The following HEMGN variants were observed in gnomAD, a reference collection of about 807,000 sequenced individuals.
HEMGN encodes hemogen, also known as erythroid differentiation-associated gene protein.
In HEMGN, 32 loss-of-function variants were observed where a neutral mutation model predicts 45.7. The observed-to-expected ratio is 0.70, with a 90% CI of 0.53 to 0.94. HEMGN has a LOEUF of 0.94. HEMGN is among the 40% of genes least tolerant of loss of function. HEMGN has a pLI of 0.00. For missense variants in HEMGN, 530 were observed against 564.2 expected (o/e 0.94, Z 0.61); for synonymous variants, 183 against 178.6 (o/e 1.02, Z -0.20).
At chr9:97,941,484 A>G (rs1827152426), upstream of HEMGN, among the ~76,000 whole-genome samples, 1 of 152,162 alleles carries the variant, frequency 6.6e-6, no homozygotes, top group Non-Finnish European at 1.5e-5. Context: ...AGAGGAAGCA[A>G]GAAGAACAAT....
Position 97,936,282 on chromosome 9 carries a change from T to C in HEMGN, c.80-18A>G, listed in dbSNP as rs200915997. 117 of 1,540,816 alleles carry C rather than the reference T, an allele frequency of 7.6e-5. No individual in the cohort carries two copies. In the African/African-American group the frequency reaches 1.3e-3, roughly 17 times the overall value. On this transcript the variant is annotated intron_variant, in intron 1 of 3. Transcript: ENST00000616898. ...AATGACTTCTGTAATAAAATGAAAG[T>C]GATTAGAAAAAGTGATGAACTGTGG... is the stretch of plus-strand genomic sequence containing the variant.
intron 3 of HEMGN, among the ~76,000 whole-genome samples, chr9:97,929,151 G>A (rs1184274290): frequency 6.6e-6 from 1 of 152,216 alleles, no homozygotes; most frequent in African/African-American, 2.4e-5. Context: ...TAGGAATCAG[G>A]ACGCTGTGTT....
intron 2 of HEMGN, among the ~76,000 whole-genome samples, chr9:97,934,670 C>T (rs1827024993): frequency 6.6e-6 from 1 of 152,148 alleles, no homozygotes; most frequent in Non-Finnish European, 1.5e-5. Flanking sequence ...AAAAACCTCA[C>T]TTTCTGCAAA....
At chr9:97,937,969 T>C (rs1305220320) in intron 1 of HEMGN, 89 bp downstream of exon 1, 2 of 625,558 alleles carry the variant, frequency 3.2e-6, no homozygotes, top group Non-Finnish European at 5.3e-6. Flanking sequence ...CCTTTTTTTT[T>C]TTTTTTGGCC....
In HEMGN at chr9:97,938,068, G is replaced by A. The variant is rs1368257959; in HGVS notation, c.69C>T (p.Asn23=). The A allele has an allele frequency of 1.2e-6, 2 of 1,606,664 alleles. No homozygotes were observed. ...GGTATTTTTCATTACCTGGAGAATG[G>A]TTCTCTTCTTGATGAGGGTCAGGTG... The part of the protein sequence containing the change: ...HQTPDPHQEE[N]HSPEVIGTWS... The change falls in exon 1 of 4, where the codon AAC becomes AAT. Residue 23 remains asparagine (N), a synonymous_variant. Coordinates refer to ENST00000616898, the MANE Select transcript of HEMGN (RefSeq NM_197978.3).
At chr9:97,929,846 A>AT (rs1329747809) in intron 3 of HEMGN, among the ~76,000 whole-genome samples, 189 bp downstream of exon 3, 1 of 152,196 alleles carries the variant, frequency 6.6e-6, no homozygotes, top group African/African-American at 2.4e-5. Flanking sequence ...TGCATTTTCA[A>AT]TTTTTTTAAC....
intron 3 of HEMGN, 26 bp from the exon 4 acceptor site, chr9:97,927,504 T>C (rs1163182316): frequency 6.9e-7 from 1 of 1,451,582 alleles, no homozygotes; most frequent in African/African-American, 1.4e-5. Context: ...AAATAAAAAA[T>C]AGATTCAATA....
chr9:97,928,449 G>A (rs192024547), intron 3 of HEMGN, among the ~76,000 whole-genome samples: 65 of 152,308 alleles, frequency 4.3e-4, no homozygotes, highest in African/African-American at 1.4e-3. Flanking sequence ...CATTTCTGGA[G>A]GCTAGTCTGA....
At chr9:97,933,505 G>A (rs1826996481) in intron 2 of HEMGN, among the ~76,000 whole-genome samples, 1 of 152,186 alleles carries the variant, frequency 6.6e-6, no homozygotes, top group Admixed American at 6.5e-5. Flanking sequence ...AAGGAGCCGT[G>A]CCTGGATTGC....
intron 3 of HEMGN, among the ~76,000 whole-genome samples, 190 bp downstream of exon 3, chr9:97,929,845 A>G (rs546165208): frequency 6.6e-6 from 1 of 152,224 alleles, no homozygotes; most frequent in African/African-American, 2.4e-5. Flanking sequence ...TTGCATTTTC[A>G]ATTTTTTTAA....
At chr9:97,931,677 T>G (rs1461877876) in intron 2 of HEMGN, among the ~76,000 whole-genome samples, 1 of 152,220 alleles carries the variant, frequency 6.6e-6, no homozygotes, top group East Asian at 1.9e-4. Flanking sequence ...CTGGCACAGC[T>G]CCTCGTCTGT....
At chr9:97,936,987 T>A (rs1191168829) in intron 1 of HEMGN, among the ~76,000 whole-genome samples, 3 of 152,130 alleles carry the variant, frequency 2.0e-5, no homozygotes, top group Non-Finnish European at 4.4e-5. Flanking sequence ...AATTGATGAG[T>A]CTTTGATGCA....
upstream of HEMGN, among the ~76,000 whole-genome samples, chr9:97,939,034 A>G (rs371397123): frequency 5.9e-5 from 9 of 152,182 alleles, no homozygotes; most frequent in African/African-American, 2.2e-4. Context: ...GGAGCCACAG[A>G]CTACTATGGT....
chr9:97,938,116 T>C lies in HEMGN; in HGVS notation c.21A>G (p.Gln7=). The change falls in exon 1 of 4, where the codon CAA becomes CAG. Residue 7 remains glutamine, a synonymous_variant. Transcript: ENST00000616898. The part of the protein sequence containing the change: MDLGKD[Q]SHLKHHQTPD... ...GTGTCTGATGGTGCTTCAAATGAGATTGGTCCTTTCCCAAATCCATCTTGC... is the reference window on the plus strand; with the variant it reads ...GTGTCTGATGGTGCTTCAAATGAGACTGGTCCTTTCCCAAATCCATCTTGC... 6.2e-7 allele frequency: 1 copy of C among 1,613,022 alleles called. No homozygotes were observed. The highest frequency in any genetic ancestry group is 8.5e-7 in the Non-Finnish European group (1 of 1,179,200).
chr9:97,931,359 C>G (rs1199603559), intron 2 of HEMGN, 138 bp from the exon 3 acceptor site: 1 of 632,200 alleles, frequency 1.6e-6, no homozygotes, highest in Non-Finnish European at 2.7e-6. Flanking sequence ...GGGCCTCAAT[C>G]TCCTTGTTTG....
chr9:97,933,826 A>T (rs1827002122), intron 2 of HEMGN, among the ~76,000 whole-genome samples: 1 of 152,072 alleles, frequency 6.6e-6, no homozygotes, highest in African/African-American at 2.4e-5. Flanking sequence ...CATTATAGAG[A>T]TGTATCACCA....
chr9:97,937,514 T>G (rs1827084651), intron 1 of HEMGN, among the ~76,000 whole-genome samples: 1 of 152,132 alleles, frequency 6.6e-6, no homozygotes, highest in Admixed American at 6.5e-5. Context: ...CACTGGATAT[T>G]GTAATCTATA....
chr9:97,944,268 G>C (rs77338991), intron 1 of HEMGN, among the ~76,000 whole-genome samples: 2,024 of 152,246 alleles, frequency 0.013, 37 homozygotes, highest in African/African-American at 0.046. Flanking sequence ...GCAAATATAT[G>C]TTCCCCCCTA....
Position 97,926,811 on chromosome 9 carries a change from T to A in HEMGN, c.*573A>T, listed in dbSNP as rs1826834539. 6.6e-6 allele frequency: 1 copy of A among 152,630 alleles called. No individual in the cohort carries two copies. The highest frequency in any genetic ancestry group is 2.4e-5 in the African/African-American group (1 of 41,456). The allele number at this position is 152,630 out of a possible 1,614,324, so 9.5% of individuals were successfully genotyped here. A position where few individuals can be genotyped will look rare whatever the true frequency, so the allele number is the denominator to read the frequency against. On this transcript the variant is annotated 3_prime_UTR_variant, in exon 4 of 4. Transcript: ENST00000616898. ...CACAGTTAAGCATGTAATAATGATT[T>A]AATGTACATTGTGCACAAATACAAT...
Sources: gnomAD v4.1 joint callset for allele counts (sites outside exome capture counted in the v4.1 genomes callset) on GRCh38, gnomAD v4.1.1 for gene constraint, MANE v1.5 for transcripts, NCBI Gene and HGNC (gene_info 2026-07-23, HGNC 2026-07-21) for gene names.